KSR1: variants seen among roughly 807,000 people sequenced by gnomAD.
The protein encoded by KSR1 is kinase suppressor of ras.
In KSR1, 35 loss-of-function variants were observed where a neutral mutation model predicts 92.9. That is an observed-to-expected ratio of 0.38 (90% CI 0.29 to 0.50). The LOEUF is 0.50. Among genes scored for constraint, KSR1 ranks in the 20% least tolerant of loss-of-function variants. The probability of loss-of-function intolerance (pLI) is 0.94; values close to 1 mark genes in which losing one functional copy is unlikely to be tolerated. For synonymous variants in KSR1, 467 were observed against 472.6 expected (o/e 0.99, Z 0.15); for missense variants, 972 against 1,158.5 (o/e 0.84, Z 2.34).
intron 11 of KSR1, chr17:27,601,905 G>T: frequency 1.2e-6 from 2 of 1,609,166 alleles, no homozygotes; most frequent in Middle Eastern, 1.7e-4. Flanking sequence ...CCATCTGCTG[G>T]CCATTGCTGG....
chr17:27,551,592 A>C (rs1283903201), intron 2 of KSR1, among the ~76,000 whole-genome samples: 1 of 152,026 alleles, frequency 6.6e-6, no homozygotes, highest in East Asian at 1.9e-4. Context: ...CAATATGGAA[A>C]TCTTTTAAAA....
intron 18 of KSR1, chr17:27,612,494 C>T (rs1010720513): frequency 5.3e-5 from 8 of 152,232 alleles, no homozygotes; most frequent in African/African-American, 1.9e-4. Flanking sequence ...ATCAGACATA[C>T]AAGCCCAAGA....
intron 10 of KSR1, among the ~76,000 whole-genome samples, chr17:27,597,849 T>G (rs923437212): frequency 6.6e-6 from 1 of 152,206 alleles, no homozygotes; most frequent in Non-Finnish European, 1.5e-5. Context: ...GGAGGGAATC[T>G]GGGGTCCTGC....
chr17:27,571,102 A>T (rs985274683), intron 2 of KSR1, among the ~76,000 whole-genome samples: 1 of 152,102 alleles, frequency 6.6e-6, no homozygotes, highest in African/African-American at 2.4e-5. Context: ...TGGTGTTAAG[A>T]GGGGAGTTTG....
chr17:27,521,106 T>C (rs1480911153), intron 1 of KSR1, among the ~76,000 whole-genome samples: 3 of 152,162 alleles, frequency 2.0e-5, no homozygotes, highest in Non-Finnish European at 4.4e-5. Flanking sequence ...TGGGTGCTTT[T>C]AAAACACATC....
chr17:27,606,791 CA>C (rs34072070), intron 14 of KSR1, among the ~76,000 whole-genome samples: 3,902 of 115,864 alleles, frequency 0.034, 146 homozygotes, highest in African/African-American at 0.11. Context: ...GACTCCATCT[CA>C]AAAAAAAAAA....
At chr17:27,597,802 G>T (rs566439647) in intron 10 of KSR1, among the ~76,000 whole-genome samples, 16 of 152,320 alleles carry the variant, frequency 1.1e-4, no homozygotes, top group African/African-American at 3.6e-4. Flanking sequence ...GCTCCCAGGA[G>T]GCATGGCCAG....
intron 2 of KSR1, among the ~76,000 whole-genome samples, chr17:27,575,077 G>T (rs1567843390): frequency 6.6e-6 from 1 of 152,180 alleles, no homozygotes; most frequent in Non-Finnish European, 1.5e-5. Flanking sequence ...TCCCATTCTG[G>T]ATCCCAAAAG....
chr17:27,494,974 G>A lies in KSR1; in HGVS notation c.231+38100G>A, dbSNP rs367784403. Among the ~76,000 whole-genome samples the A allele has an allele frequency of 6.8e-4, 104 of 152,356 alleles. 1 individual carries two copies. The Middle Eastern group carries it at 0.017, about 25-fold the overall frequency. ...CTGCTCCCATTCAGTGACTGGAGAG[G>A]CAGAGGGAAGGGGCTCCCGGGCAGT... On this transcript the variant is annotated intron_variant, in intron 1 of 20. Transcript: ENST00000644974.
At chr17:27,486,501 G>A (rs972636489) in intron 1 of KSR1, among the ~76,000 whole-genome samples, 6 of 152,220 alleles carry the variant, frequency 3.9e-5, no homozygotes, top group Non-Finnish European at 8.8e-5. Flanking sequence ...ACACAGGAGT[G>A]GCCATGCAGG....
chr17:27,526,046 C>CTTTTCTTTTCTTTTCTTTTCTTT (rs1555576231), intron 1 of KSR1, among the ~76,000 whole-genome samples: 5 of 60,538 alleles, frequency 8.3e-5, no homozygotes, highest in Admixed American at 3.5e-4. Context: ...TCTTTTCTTT[C>CTTTTCTTTTCTTTTCTTTTCTTT]TCTCTCTCTC....
intron 1 of KSR1, among the ~76,000 whole-genome samples, chr17:27,467,652 T>G (rs2019764385): frequency 6.6e-6 from 1 of 152,172 alleles, no homozygotes; most frequent in Admixed American, 6.5e-5. Context: ...CCGTGGTGGG[T>G]CCATCTGGTC....
intron 10 of KSR1, among the ~76,000 whole-genome samples, chr17:27,600,708 A>G (rs1455660794): frequency 2.6e-5 from 4 of 152,170 alleles, no homozygotes; most frequent in African/African-American, 9.7e-5. Flanking sequence ...CTCCATTATA[A>G]TTAGGGCCAC....
rs1441262828 is a variant in KSR1, at chr17:27,526,320, C to T, written c.232-24248C>T. 53 of 1,140,186 alleles carry T rather than the reference C, an allele frequency of 4.6e-5. No individual in the cohort carries two copies. The East Asian group carries it at 8.4e-4, about 18-fold the overall frequency. The allele number at this position is 1,140,186 out of a possible 1,614,324, so 70.6% of individuals were successfully genotyped here. A position where few individuals can be genotyped will look rare whatever the true frequency, so the allele number is the denominator to read the frequency against. ...TGTCGCTCTGTTACAGGTTACTGAC[C>T]GCAAGTCCATGTTCCAGACATTCTT... On this transcript the variant is annotated intron_variant, in intron 1 of 20. Transcript: ENST00000644974.
chr17:27,605,505 T>C lies in KSR1; in HGVS notation c.1686T>C (p.Ser562=), dbSNP rs1457836271. 1 of 1,603,116 alleles carries C rather than the reference T, an allele frequency of 6.2e-7. No individual in the cohort carries two copies. Among genetic ancestry groups the C allele is most frequent in the Non-Finnish European group, 8.5e-7 (1 of 1,175,798 alleles). Residue 562 remains serine (S), a synonymous_variant, in exon 14 of 21, where the codon TCT becomes TCC. Coordinates refer to ENST00000644974, the MANE Select transcript of KSR1 (RefSeq NM_001394583.1). The part of the protein sequence containing the change: ...DEDEVDDLPS[S]RRPWRGPISR... Reference sequence around the variant, plus strand: ...ACGAGGTGGACGACTTGCCGAGCTCTCGCCGGCCCTGGCGGGGCCCCATCT... The same window carrying C: ...ACGAGGTGGACGACTTGCCGAGCTCCCGCCGGCCCTGGCGGGGCCCCATCT...
At chr17:27,553,935 T>C (rs956485606) in intron 2 of KSR1, among the ~76,000 whole-genome samples, 18 of 152,320 alleles carry the variant, frequency 1.2e-4, no homozygotes, top group African/African-American at 4.1e-4. Flanking sequence ...CTGCAAGGGC[T>C]GGCCCCAGGG....
At chr17:27,621,855 T>C in intron 20 of KSR1, 1 of 1,511,826 alleles carries the variant, frequency 6.6e-7, no homozygotes, top group East Asian at 2.3e-5. Flanking sequence ...GCCAGACCTC[T>C]AGCTCCCGAC....
chr17:27,465,026 G>A (rs1462478021), intron 1 of KSR1: 1 of 152,200 alleles, frequency 6.6e-6, no homozygotes, highest in African/African-American at 2.4e-5. Flanking sequence ...CAAAGGGTTG[G>A]ACACGGCTGA....
At chr17:27,485,410 G>A (rs1163326154) in intron 1 of KSR1, among the ~76,000 whole-genome samples, 1 of 152,220 alleles carries the variant, frequency 6.6e-6, no homozygotes, top group Non-Finnish European at 1.5e-5. Flanking sequence ...CAGATGGGTG[G>A]GGTTGGGAGT....
Sources: allele counts gnomAD v4.1 joint callset (sites outside exome capture counted in the v4.1 genomes callset), GRCh38; gene constraint gnomAD v4.1.1; transcripts MANE v1.5; gene names NCBI Gene and HGNC (gene_info 2026-07-23, HGNC 2026-07-21).